SUSD6: variants seen among roughly 807,000 people sequenced by gnomAD.
SUSD6 encodes the protein sushi domain containing 6, also known as sushi domain-containing protein 6.
A neutral mutation model predicts 28.4 loss-of-function variants in SUSD6; 16 were observed. The ratio of observed to expected loss-of-function variants is 0.56; its 90% CI spans 0.38 to 0.86. The LOEUF (loss-of-function observed/expected upper bound fraction) is 0.86. Among genes scored for constraint, SUSD6 ranks in the 40% least tolerant of loss-of-function variants. SUSD6 has a pLI of 0.00. For missense variants in SUSD6, 341 were observed against 384.2 expected, an observed-to-expected ratio of 0.89 and a Z score of 0.94; for synonymous variants, 147 against 159.6, an observed-to-expected ratio of 0.92 and a Z score of 0.59.
chr14:69,671,453 C>A (rs1425475890), intron 2 of SUSD6, among the ~76,000 whole-genome samples: 1 of 152,302 alleles, frequency 6.6e-6, no homozygotes, highest in East Asian at 1.9e-4. Flanking sequence ...CTCTCATCAC[C>A]TGGCCTCAGT....
rs1024057223 is a variant in SUSD6, at chr14:69,611,644, A to T, written c.-265A>T. On this transcript the variant is annotated 5_prime_UTR_variant, in exon 1 of 6. Coordinates refer to ENST00000342745, the MANE Select transcript of SUSD6 (RefSeq NM_014734.4). ...CGCTACCGCCGCGTTCTATTCTCCG[A>T]AGCCGGCGACCGCCCCACCTCCTCC... 1.3e-5 allele frequency: 2 copies of T among 150,870 alleles called. No homozygotes were observed. Among genetic ancestry groups the T allele is most frequent in the African/African-American group, 4.9e-5 (2 of 41,076 alleles). The allele number at this position is 150,870 out of a possible 1,614,324, so 9.3% of individuals were successfully genotyped here.
rs536164585 is a variant in SUSD6, at chr14:69,628,240, G to A, written c.-81+16412G>A. Among the ~76,000 whole-genome samples, 8 of 152,222 alleles carry A rather than the reference G, an allele frequency of 5.3e-5. No individual in the cohort carries two copies. In the South Asian group the frequency reaches 1.5e-3, roughly 28 times the overall value. ...GAGCCACTGCTCTCGGCCCCAAAGT[G>A]ACTCTGAACTCTGTTTTCCCATCCC... is the stretch of plus-strand genomic sequence containing the variant. On this transcript the variant is annotated intron_variant, in intron 1 of 5. Coordinates refer to ENST00000342745, the MANE Select transcript of SUSD6 (RefSeq NM_014734.4).
At chr14:69,614,130 C>T (rs7154836) in intron 1 of SUSD6, among the ~76,000 whole-genome samples, 145 of 152,232 alleles carry the variant, frequency 9.5e-4, no homozygotes, top group Middle Eastern at 3.4e-3. Flanking sequence ...TGCAGTGGCA[C>T]GATCTCGGCT....
At chr14:69,695,541 A>G (rs1048304226) in intron 2 of SUSD6, among the ~76,000 whole-genome samples, 3 of 152,206 alleles carry the variant, frequency 2.0e-5, no homozygotes, top group Non-Finnish European at 4.4e-5. Context: ...GTCTACGGGC[A>G]GTACCCAGTT....
intron 1 of SUSD6, among the ~76,000 whole-genome samples, chr14:69,646,976 C>T (rs1194364758): frequency 6.6e-6 from 1 of 152,240 alleles, no homozygotes; most frequent in Non-Finnish European, 1.5e-5. Flanking sequence ...GCTCGGATTA[C>T]AGGCATGAGC....
chr14:69,692,957 A>G (rs2139638358), intron 2 of SUSD6, among the ~76,000 whole-genome samples: 1 of 152,348 alleles, frequency 6.6e-6, no homozygotes, highest in South Asian at 2.1e-4. Context: ...ATGGTGAAGG[A>G]GATGAGAACA....
At chr14:69,641,986 T>C (rs1885360093) in intron 1 of SUSD6, among the ~76,000 whole-genome samples, 1 of 152,190 alleles carries the variant, frequency 6.6e-6, no homozygotes, top group African/African-American at 2.4e-5. Flanking sequence ...ATATTTATAA[T>C]AGAGATTTAA....
chr14:69,617,294 A>C (rs75214509), intron 1 of SUSD6: 1 of 152,190 alleles, frequency 6.6e-6, no homozygotes, highest in African/African-American at 2.4e-5. Context: ...TCATTTCTCA[A>C]GGAGATACCT....
chr14:69,669,284 G>A (rs1028100323), intron 2 of SUSD6, among the ~76,000 whole-genome samples: 1 of 151,914 alleles, frequency 6.6e-6, no homozygotes, highest in Non-Finnish European at 1.5e-5. Context: ...GGATGGTCTC[G>A]ATCTCTTGAC....
chr14:69,658,789 G>C, intron 2 of SUSD6, 76 bp downstream of exon 2: 2 of 1,589,698 alleles, frequency 1.3e-6, no homozygotes, highest in Non-Finnish European at 1.7e-6. Context: ...ACTAGGACAG[G>C]GGACTCTCCT....
At chr14:69,699,634 A>G (rs1886284866) in intron 2 of SUSD6, among the ~76,000 whole-genome samples, 1 of 145,748 alleles carries the variant, frequency 6.9e-6, no homozygotes, top group African/African-American at 2.6e-5. Context: ...TTTCTTTTCT[A>G]TGACCTTCAT....
intron 2 of SUSD6, among the ~76,000 whole-genome samples, chr14:69,668,635 C>CAAA (rs11462807): frequency 8.7e-5 from 12 of 138,062 alleles, no homozygotes; most frequent in Non-Finnish European, 1.5e-4. Flanking sequence ...GAATTCGTCT[C>CAAA]AAAAAAAAAA....
intron 1 of SUSD6, among the ~76,000 whole-genome samples, chr14:69,635,048 C>G (rs1280096654): frequency 6.6e-6 from 1 of 152,020 alleles, no homozygotes; most frequent in Non-Finnish European, 1.5e-5. Context: ...TGAATTAAGT[C>G]CTTTGATGAT....
At chr14:69,676,851 A>T (rs1027273225) in intron 2 of SUSD6, among the ~76,000 whole-genome samples, 6 of 152,260 alleles carry the variant, frequency 3.9e-5, no homozygotes, top group Non-Finnish European at 7.3e-5. Flanking sequence ...TGAAGAGAAG[A>T]ACCGAAAGGT....
At chr14:69,618,038 G>A (rs1427671109) in intron 1 of SUSD6, among the ~76,000 whole-genome samples, 2 of 152,214 alleles carry the variant, frequency 1.3e-5, no homozygotes, top group African/African-American at 4.8e-5. Flanking sequence ...TCTACAGGAT[G>A]TGTCCCTGTG....
At chr14:69,660,918 G>T (rs1427200257) in intron 2 of SUSD6, among the ~76,000 whole-genome samples, 2 of 152,328 alleles carry the variant, frequency 1.3e-5, no homozygotes, top group East Asian at 3.9e-4. Context: ...AAATGTTGAG[G>T]CTTTAAAATA....
At position 69,663,913 on chromosome 14, in the gene SUSD6, C is replaced by T. The variant is rs111655624; in HGVS notation, c.121+5200C>T. Among the ~76,000 whole-genome samples, 275 of 151,790 alleles carry T rather than the reference C, an allele frequency of 1.8e-3. 2 individuals carry two copies. The highest frequency in any genetic ancestry group is 6.4e-3 in the African/African-American group (265 of 41,386). On this transcript the variant is annotated intron_variant, in intron 2 of 5. Coordinates refer to ENST00000342745, the MANE Select transcript of SUSD6 (RefSeq NM_014734.4). ...GAGGAAGAAAGAGATGATGTTTTCT[C>T]CTGATGGATAAAAAGGATACAAGAG...
In SUSD6 at chr14:69,621,904, T is replaced by G. The variant is rs558342382; in HGVS notation, c.-81+10076T>G. 3.9e-4 allele frequency among the ~76,000 whole-genome samples: 59 copies of G among 152,310 alleles called. 2 individuals carry two copies. The South Asian group carries it at 9.1e-3, about 24-fold the overall frequency. On this transcript the variant is annotated intron_variant, in intron 1 of 5. Coordinates refer to ENST00000342745, the MANE Select transcript of SUSD6 (RefSeq NM_014734.4). ...ACATGCTTTTCTCTTGGGTTATACG[T>G]GAGCAATTGTAGAATGAACAGACTT... is the stretch of plus-strand genomic sequence containing the variant.
chr14:69,689,734 C>A (rs958283752), intron 2 of SUSD6, among the ~76,000 whole-genome samples: 1 of 152,198 alleles, frequency 6.6e-6, no homozygotes, highest in African/African-American at 2.4e-5. Context: ...GGCATGATGT[C>A]CACTTACTGA....
Sources: allele counts gnomAD v4.1 joint callset (sites outside exome capture counted in the v4.1 genomes callset), GRCh38; gene constraint gnomAD v4.1.1; transcripts MANE v1.5; gene names NCBI Gene and HGNC (gene_info 2026-07-23, HGNC 2026-07-21).